USP37: variants seen among roughly 807,000 people sequenced by gnomAD.
USP37 encodes ubiquitin specific peptidase 37.
A neutral mutation model predicts 124.0 loss-of-function variants in USP37; 27 were observed. The ratio of observed to expected loss-of-function variants is 0.22; its 90% CI spans 0.16 to 0.30. The LOEUF (loss-of-function observed/expected upper bound fraction) is 0.30, where lower values mean the gene tolerates loss of function less well. USP37 is among the 10% of genes least tolerant of loss of function. USP37 has a pLI of 1.00. For synonymous variants in USP37, 365 were observed against 388.0 expected (o/e 0.94, Z 0.70); for missense variants, 889 against 1,140.4 (o/e 0.78, Z 3.17).
chr2:218,519,557 C>T (rs773871603), intron 10 of USP37, among the ~76,000 whole-genome samples: 8 of 152,020 alleles, frequency 5.3e-5, no homozygotes, highest in East Asian at 1.9e-4. Flanking sequence ...GTTCAGCCAA[C>T]GTGCTTGGGA....
intron 6 of USP37, among the ~76,000 whole-genome samples, chr2:218,547,602 A>AAGACACAC (rs1403361885): frequency 6.6e-6 from 1 of 151,672 alleles, no homozygotes; most frequent in Non-Finnish European, 1.5e-5. Context: ...AAAAAAAAAA[A>AAGACACAC]AGACACACAC....
intron 17 of USP37, 36 bp from the exon 18 acceptor site, chr2:218,479,751 A>G (rs1461815856): frequency 2.4e-6 from 3 of 1,228,968 alleles, no homozygotes; most frequent in African/African-American, 3.2e-5. Flanking sequence ...ATGTATACAA[A>G]TGAATTATTA....
chr2:218,499,435 C>T (rs1343296205), intron 11 of USP37, among the ~76,000 whole-genome samples: 1 of 152,092 alleles, frequency 6.6e-6, no homozygotes, highest in Non-Finnish European at 1.5e-5. Flanking sequence ...TTTTCTGAAA[C>T]CATTTCAGAG....
chr2:218,550,617 C>CAA (rs1182576898), intron 5 of USP37, among the ~76,000 whole-genome samples: 3 of 108,476 alleles, frequency 2.8e-5, no homozygotes, highest in African/African-American at 1.0e-4. Flanking sequence ...TTACAGTCCT[C>CAA]AAAAAAAAAA....
intron 7 of USP37, among the ~76,000 whole-genome samples, 179 bp downstream of exon 7, chr2:218,546,740 T>C (rs1172260350): frequency 3.3e-5 from 5 of 152,222 alleles, no homozygotes; most frequent in Admixed American, 1.3e-4. Flanking sequence ...TTATATGCTG[T>C]ATATTTGTAT....
At chr2:218,494,910 A>G (rs1688988173) in intron 14 of USP37, among the ~76,000 whole-genome samples, 1 of 152,194 alleles carries the variant, frequency 6.6e-6, no homozygotes. Context: ...TGTAAAAGAA[A>G]ATATTTTTAG....
intron 11 of USP37, 51 bp from the exon 12 acceptor site, chr2:218,498,208 ATG>A: frequency 6.6e-7 from 1 of 1,523,336 alleles, no homozygotes. Context: ...TTCCTAAAGT[ATG>A]TTCAGTATAG....
intron 9 of USP37, among the ~76,000 whole-genome samples, chr2:218,533,766 G>C (rs1026907311): frequency 2.0e-5 from 3 of 152,114 alleles, no homozygotes; most frequent in Admixed American, 6.6e-5. Context: ...TCAAAATCAT[G>C]CCATATTTTA....
intron 20 of USP37, among the ~76,000 whole-genome samples, chr2:218,467,443 G>T (rs1462314256): frequency 6.6e-6 from 1 of 152,012 alleles, no homozygotes; most frequent in African/African-American, 2.4e-5. Flanking sequence ...TTGCCTCTAG[G>T]GTTCCAGCGA....
chr2:218,518,160 T>G (rs1171622387), intron 10 of USP37, among the ~76,000 whole-genome samples: 2 of 152,158 alleles, frequency 1.3e-5, no homozygotes, highest in Non-Finnish European at 2.9e-5. Context: ...TTCCCAATGT[T>G]GCCCGGGCTG....
At chr2:218,524,071 G>T (rs955622334) in intron 10 of USP37, among the ~76,000 whole-genome samples, 2 of 152,112 alleles carry the variant, frequency 1.3e-5, no homozygotes, top group Admixed American at 6.6e-5. Context: ...AATCCCAAAA[G>T]AGTTTTCTAA....
intron 20 of USP37, among the ~76,000 whole-genome samples, chr2:218,470,687 C>G (rs981340541): frequency 6.6e-6 from 1 of 152,206 alleles, no homozygotes; most frequent in East Asian, 1.9e-4. Context: ...CACTAACTTG[C>G]TGTGGGCTTT....
intron 11 of USP37, among the ~76,000 whole-genome samples, chr2:218,509,179 G>A (rs942725208): frequency 6.6e-6 from 1 of 152,118 alleles, no homozygotes; most frequent in East Asian, 1.9e-4. Flanking sequence ...ATACATAGGT[G>A]CCAAGATTAA....
chr2:218,468,266 G>A (rs1163468160), intron 20 of USP37, among the ~76,000 whole-genome samples: 4 of 150,778 alleles, frequency 2.7e-5, no homozygotes, highest in Non-Finnish European at 4.4e-5. Context: ...GTGCAAGGGC[G>A]TGATTGTGGC....
chr2:218,494,298 A>C (rs1246080090), intron 14 of USP37, among the ~76,000 whole-genome samples: 2 of 152,266 alleles, frequency 1.3e-5, no homozygotes, highest in African/African-American at 4.8e-5. Flanking sequence ...TTGGAGAACC[A>C]ATATGGATTA....
At chr2:218,458,585 AAAAAT>A (rs1238869301) in intron 23 of USP37, among the ~76,000 whole-genome samples, 19 of 152,116 alleles carry the variant, frequency 1.2e-4, no homozygotes, top group African/African-American at 1.9e-4. Flanking sequence ...AAAAAAATTA[AAAAAT>A]AAAATAAAAT....
At chr2:218,486,819 A>G (rs534115943) in intron 15 of USP37, among the ~76,000 whole-genome samples, 3 of 151,592 alleles carry the variant, frequency 2.0e-5, no homozygotes, top group African/African-American at 7.3e-5. Context: ...TCCACCTCCC[A>G]GGTTCACGCC....
chr2:218,507,050 G>A (rs1326083992), intron 11 of USP37, among the ~76,000 whole-genome samples: 2 of 151,810 alleles, frequency 1.3e-5, no homozygotes, highest in African/African-American at 2.4e-5. Context: ...CACCTGCCTT[G>A]GCCTCCCAAA....
chr2:218,457,194 C>T (rs773613558), intron 23 of USP37, 33 bp from the exon 24 acceptor site: 1 of 1,593,492 alleles, frequency 6.3e-7, no homozygotes, highest in Admixed American at 1.7e-5. Flanking sequence ...ACTTTTAAGT[C>T]TTCATTTGAA....
Sources: allele counts gnomAD v4.1 joint callset (sites outside exome capture counted in the v4.1 genomes callset), GRCh38; gene constraint gnomAD v4.1.1; transcripts MANE v1.5; gene names NCBI Gene and HGNC (gene_info 2026-07-23, HGNC 2026-07-21).